The following KHDRBS3 variants were observed in gnomAD, a reference collection of about 807,000 sequenced individuals.
KHDRBS3 encodes KH RNA binding domain containing, signal transduction associated 3.
Under a neutral mutation model 45.6 loss-of-function variants are expected in KHDRBS3, and 23 were observed. That is an observed-to-expected ratio of 0.50 (90% confidence interval 0.36 to 0.72). The LOEUF (loss-of-function observed/expected upper bound fraction) is 0.72. Ranked by LOEUF, KHDRBS3 falls within the 30% of genes least tolerant of loss-of-function variation. The pLI is 0.00. For missense variants in KHDRBS3, 352 were observed against 424.8 expected, an observed-to-expected ratio of 0.83 and a Z score of 1.51; for synonymous variants, 162 against 156.5, an observed-to-expected ratio of 1.04 and a Z score of -0.26.
intron 7 of KHDRBS3, among the ~76,000 whole-genome samples, chr8:135,621,605 TAGTG>T (rs745359503): frequency 2.3e-4 from 35 of 151,928 alleles, no homozygotes; most frequent in Admixed American, 1.5e-3. Flanking sequence ...GCACCTGAGA[TAGTG>T]AGTTATTGTT....
chr8:135,547,298 C>G (rs1306339262), intron 3 of KHDRBS3, among the ~76,000 whole-genome samples: 2 of 152,114 alleles, frequency 1.3e-5, no homozygotes, highest in East Asian at 3.9e-4. Flanking sequence ...GTGATGGAAG[C>G]TAGCATGTAT....
At chr8:135,533,298 G>A (rs946098101) in intron 2 of KHDRBS3, among the ~76,000 whole-genome samples, 2 of 152,100 alleles carry the variant, frequency 1.3e-5, no homozygotes, top group South Asian at 2.1e-4. Context: ...CTTCTTTTGT[G>A]CCTAGTACAA....
intron 3 of KHDRBS3, among the ~76,000 whole-genome samples, chr8:135,545,270 A>G (rs1001251471): frequency 2.6e-5 from 4 of 152,068 alleles, no homozygotes; most frequent in East Asian, 3.9e-4. Flanking sequence ...AGGAGATGAT[A>G]AGGAGGAGGA....
chr8:135,501,238 TCTTTA>T (rs765581388), intron 1 of KHDRBS3, among the ~76,000 whole-genome samples: 7 of 152,222 alleles, frequency 4.6e-5, no homozygotes, highest in Non-Finnish European at 1.0e-4. Context: ...GAGCTCTTTT[TCTTTA>T]TTCTGTTATG....
intron 7 of KHDRBS3, among the ~76,000 whole-genome samples, chr8:135,617,330 T>C: frequency 6.6e-6 from 1 of 151,882 alleles, no homozygotes; most frequent in Non-Finnish European, 1.5e-5. Flanking sequence ...CACGCTGGCA[T>C]ACAGTGGCAC....
intron 6 of KHDRBS3, among the ~76,000 whole-genome samples, chr8:135,583,897 A>G (rs1054999617): frequency 5.3e-5 from 8 of 152,198 alleles, no homozygotes; most frequent in African/African-American, 1.4e-4. Flanking sequence ...GACATTCAAG[A>G]CATTTGGGTT....
At chr8:135,543,986 A>G (rs1204361832) in intron 3 of KHDRBS3, among the ~76,000 whole-genome samples, 1 of 152,212 alleles carries the variant, frequency 6.6e-6, no homozygotes, top group Non-Finnish European at 1.5e-5. Context: ...ATTACTCACT[A>G]AACATTGCTC....
At chr8:135,546,798 C>T (rs16905399) in intron 3 of KHDRBS3, among the ~76,000 whole-genome samples, 8,724 of 152,076 alleles carry the variant, frequency 0.057, 322 homozygotes, top group African/African-American at 0.1. Flanking sequence ...TGCAGAATTT[C>T]AACATCTGTG....
chr8:135,523,494 A>G (rs1040941295), intron 2 of KHDRBS3, among the ~76,000 whole-genome samples: 8 of 152,108 alleles, frequency 5.3e-5, no homozygotes, highest in African/African-American at 1.9e-4. Flanking sequence ...CACTTATTCT[A>G]GTAAGTTGTT....
rs531299325 is a variant in KHDRBS3, at chr8:135,625,278, T to C, written c.890+18241T>C. ...ACAGAATGTCTACAATCCTCTGCAA[T>C]ACAGGGTCATTTTCCCCCTTGTTCT... On this transcript the variant is annotated intron_variant, in intron 7 of 8. Coordinates refer to ENST00000355849, the MANE Select transcript of KHDRBS3 (RefSeq NM_006558.3). 26 of 1,351,982 alleles carry C rather than the reference T, an allele frequency of 1.9e-5. 1 individual carries two copies. The South Asian group carries it at 3.0e-4, about 16-fold the overall frequency. 83.7% of individuals were successfully genotyped at this position (1,351,982 alleles called of 1,614,324 possible).
At chr8:135,485,842 T>TTTTATATATATATA (rs908619744) in intron 1 of KHDRBS3, among the ~76,000 whole-genome samples, 5 of 120,322 alleles carry the variant, frequency 4.2e-5, no homozygotes, top group Middle Eastern at 4.1e-3. Context: ...CATTTCAAGT[T>TTTTATATATATATA]TATATATATA....
At chr8:135,503,038 G>A (rs1331396115) in intron 1 of KHDRBS3, among the ~76,000 whole-genome samples, 1 of 152,144 alleles carries the variant, frequency 6.6e-6, no homozygotes. Flanking sequence ...CAGACATAGA[G>A]CATTTTTGTG....
At chr8:135,588,659 T>C (rs1343683235) in intron 6 of KHDRBS3, among the ~76,000 whole-genome samples, 1 of 152,172 alleles carries the variant, frequency 6.6e-6, no homozygotes, top group Admixed American at 6.5e-5. Flanking sequence ...AGGGGCTTTA[T>C]GAATAACAAA....
chr8:135,535,246 A>T (rs1373565117), intron 2 of KHDRBS3, among the ~76,000 whole-genome samples: 6 of 145,066 alleles, frequency 4.1e-5, no homozygotes, highest in African/African-American at 7.5e-5. Context: ...ATATATAGTT[A>T]AACTATATAT....
intron 2 of KHDRBS3, chr8:135,542,395 A>G: frequency 2.6e-6 from 1 of 383,486 alleles, no homozygotes; most frequent in Non-Finnish European, 4.7e-6. Context: ...GAATTCTGGG[A>G]AATTAGCTTC....
intron 1 of KHDRBS3, among the ~76,000 whole-genome samples, chr8:135,473,242 C>T (rs1822102802): frequency 1.3e-5 from 2 of 152,120 alleles, no homozygotes; most frequent in Non-Finnish European, 2.9e-5. Flanking sequence ...CTCCTCAAAG[C>T]TTCTCTTCAT....
chr8:135,539,868 A>G (rs2130761227), intron 2 of KHDRBS3: 1 of 152,350 alleles, frequency 6.6e-6, no homozygotes, highest in East Asian at 1.9e-4. Flanking sequence ...AGTGGAAAAA[A>G]GAAACCCCTA....
chr8:135,620,272 C>T (rs116844023), intron 7 of KHDRBS3, among the ~76,000 whole-genome samples: 2,050 of 152,086 alleles, frequency 0.013, 21 homozygotes, highest in Non-Finnish European at 0.02. Context: ...AGCTAATTTT[C>T]GTATTTTTTT....
At chr8:135,521,526 C>T (rs1824910176) in intron 2 of KHDRBS3, among the ~76,000 whole-genome samples, 171 bp downstream of exon 2, 3 of 152,096 alleles carry the variant, frequency 2.0e-5, no homozygotes, top group Admixed American at 6.6e-5. Flanking sequence ...TGTCTTTTCC[C>T]TTTAGTGTGA....
Sources: allele counts gnomAD v4.1 joint callset (sites outside exome capture counted in the v4.1 genomes callset), GRCh38; gene constraint gnomAD v4.1.1; transcripts MANE v1.5; gene names NCBI Gene and HGNC (gene_info 2026-07-23, HGNC 2026-07-21).